The following SHISAL2B variants were observed in gnomAD, a reference collection of about 807,000 sequenced individuals.
SHISAL2B encodes shisa like 2B.
SHISAL2B carries 12 observed loss-of-function variants against 16.5 expected under a neutral mutation model. That is an observed-to-expected ratio of 0.73 (90% CI 0.47 to 1.18). The LOEUF (loss-of-function observed/expected upper bound fraction) is 1.18, where lower values mean the gene tolerates loss of function less well. Among genes scored for constraint, SHISAL2B ranks in the 50% most tolerant of loss-of-function variants. The probability of loss-of-function intolerance (pLI) is 0.00; values close to 1 mark genes in which losing one functional copy is unlikely to be tolerated. For missense variants in SHISAL2B, 183 were observed against 193.6 expected (o/e 0.95, Z 0.33); for synonymous variants, 72 against 75.0 (o/e 0.96, Z 0.21).
intron 2 of SHISAL2B, among the ~76,000 whole-genome samples, chr5:64,714,484 T>A (rs1166319869): frequency 2.6e-5 from 4 of 151,096 alleles, no homozygotes; most frequent in Non-Finnish European, 5.9e-5. Flanking sequence ...AGGTTACTAC[T>A]GTCTTTTTGT....
chr5:64,699,885 T>C (rs1455654610), intron 2 of SHISAL2B, among the ~76,000 whole-genome samples: 1 of 152,188 alleles, frequency 6.6e-6, no homozygotes, highest in Non-Finnish European at 1.5e-5. Flanking sequence ...TTGGAATGGA[T>C]CTTGAAAAAA....
chr5:64,690,668 C>G lies in SHISAL2B; in HGVS notation c.45C>G (p.Asn15Lys). Residue 15 changes from asparagine (N) to lysine (K), a missense_variant, in exon 1 of 3, where the codon AAC becomes AAG. By Grantham distance (94) the Asn-to-Lys change is moderately conservative (BLOSUM62 0). Coordinates refer to ENST00000389074, the MANE Select transcript of SHISAL2B (RefSeq NM_001164442.2). ...TGTGCTCCGGCTACTACAGCCTCAA[C>G]CAGAGCTTCGTGGAGCCCTTCCAGT... ...SRLCSGYYSL[N>K]QSFVEPFQCP... 1 of 1,533,376 alleles carries G rather than the reference C, an allele frequency of 6.5e-7. No individual in the cohort carries two copies. Among genetic ancestry groups the G allele is most frequent in the Non-Finnish European group, 8.7e-7 (1 of 1,145,392 alleles). 95.0% of individuals were successfully genotyped at this position (1,533,376 alleles called of 1,614,324 possible).
Position 64,708,332 on chromosome 5 carries a change from G to A in SHISAL2B, c.350-9557G>A, listed in dbSNP as rs575092211. Among the ~76,000 whole-genome samples, 43 of 152,174 alleles carry A rather than the reference G, an allele frequency of 2.8e-4. 1 individual carries two copies. The South Asian group carries it at 8.7e-3, about 31-fold the overall frequency. Reference sequence around the variant, plus strand: ...GGACCCAAGTTAGAATTTGACTTTAGAAAGTGTGTCAAATATAAAAAGTTT... The same window carrying A: ...GGACCCAAGTTAGAATTTGACTTTAAAAAGTGTGTCAAATATAAAAAGTTT... On this transcript the variant is annotated intron_variant, in intron 2 of 2. Transcript: ENST00000389074.
chr5:64,697,034 A>T (rs1395826112), intron 2 of SHISAL2B, among the ~76,000 whole-genome samples: 1 of 152,112 alleles, frequency 6.6e-6, no homozygotes, highest in African/African-American at 2.4e-5. Context: ...CATCCTACTG[A>T]TATGTGATGT....
At chr5:64,717,175 A>G (rs900685528) in intron 2 of SHISAL2B, among the ~76,000 whole-genome samples, 9 of 152,202 alleles carry the variant, frequency 5.9e-5, no homozygotes, top group African/African-American at 2.2e-4. Context: ...TAAGAAATCA[A>G]AGAAGATGAG....
chr5:64,690,528 C>T lies in SHISAL2B; in HGVS notation c.-96C>T. 1 of 1,051,658 alleles carries T rather than the reference C, an allele frequency of 9.5e-7. No individual in the cohort carries two copies. The highest frequency in any genetic ancestry group is 1.3e-6 in the Non-Finnish European group (1 of 785,184). 65.1% of individuals were successfully genotyped at this position (1,051,658 alleles called of 1,614,324 possible). ...AGAGCCCAGATCGGAAGAGCCGAGT[C>T]CGGGCAGAGGGGTCCGCGGGCTCTG... is the stretch of plus-strand genomic sequence containing the variant. On this transcript the variant is annotated 5_prime_UTR_variant, in exon 1 of 3. Coordinates refer to ENST00000389074, the MANE Select transcript of SHISAL2B (RefSeq NM_001164442.2).
chr5:64,692,433 A>G (rs1741664336), intron 1 of SHISAL2B, among the ~76,000 whole-genome samples: 1 of 152,196 alleles, frequency 6.6e-6, no homozygotes, highest in Non-Finnish European at 1.5e-5. Context: ...GGAAATAGAA[A>G]AATCACTTCA....
intron 1 of SHISAL2B, chr5:64,691,402 T>TGTGTGTGTGTG (rs1561372809): frequency 2.4e-4 from 36 of 152,294 alleles, no homozygotes; most frequent in Middle Eastern, 3.3e-3. Flanking sequence ...TGTGTGTGTG[T>TGTGTGTGTGTG]TCCTGAGGGC....
intron 2 of SHISAL2B, among the ~76,000 whole-genome samples, chr5:64,717,653 G>T (rs561860515): frequency 1.3e-3 from 195 of 152,052 alleles, no homozygotes; most frequent in Middle Eastern, 6.8e-3. Flanking sequence ...AAGCATGGAG[G>T]AAAAAAGGTA....
intron 2 of SHISAL2B, among the ~76,000 whole-genome samples, chr5:64,705,422 A>G (rs1413445366): frequency 1.3e-5 from 2 of 152,188 alleles, no homozygotes; most frequent in Admixed American, 6.5e-5. Flanking sequence ...TTAAACTACT[A>G]TGAATTTAAG....
chr5:64,714,675 T>C (rs558312453), intron 2 of SHISAL2B, among the ~76,000 whole-genome samples: 1 of 152,176 alleles, frequency 6.6e-6, no homozygotes, highest in African/African-American at 2.4e-5. Flanking sequence ...CAGACTGCTG[T>C]GCTAGCAATC....
At chr5:64,710,975 G>C (rs1181321195) in intron 2 of SHISAL2B, among the ~76,000 whole-genome samples, 4 of 141,978 alleles carry the variant, frequency 2.8e-5, no homozygotes, top group Non-Finnish European at 6.0e-5. Context: ...CAATCATGTT[G>C]TCTGCAAACA....
chr5:64,692,338 A>C (rs1741663050), intron 1 of SHISAL2B, among the ~76,000 whole-genome samples: 1 of 152,160 alleles, frequency 6.6e-6, no homozygotes, highest in Non-Finnish European at 1.5e-5. Context: ...AACCTTCCTA[A>C]GATGTATGAG....
At chr5:64,707,753 A>G (rs1741893873) in intron 2 of SHISAL2B, among the ~76,000 whole-genome samples, 2 of 152,342 alleles carry the variant, frequency 1.3e-5, no homozygotes, top group South Asian at 2.1e-4. Flanking sequence ...TTCACTCTGA[A>G]AAACAAAACA....
At chr5:64,691,870 A>T (rs1741655422) in intron 1 of SHISAL2B, among the ~76,000 whole-genome samples, 1 of 152,164 alleles carries the variant, frequency 6.6e-6, no homozygotes, top group African/African-American at 2.4e-5. Flanking sequence ...GTAAGAGGTA[A>T]AGTATTGTGA....
intron 2 of SHISAL2B, among the ~76,000 whole-genome samples, chr5:64,710,004 G>T (rs1741936244): frequency 6.7e-6 from 1 of 149,940 alleles, no homozygotes. Flanking sequence ...CACTCTGATG[G>T]TAGTTTCTTT....
At chr5:64,698,036 T>A (rs1287995878) in intron 2 of SHISAL2B, among the ~76,000 whole-genome samples, 1 of 152,228 alleles carries the variant, frequency 6.6e-6, no homozygotes, top group Non-Finnish European at 1.5e-5. Flanking sequence ...TTAGCTGAAT[T>A]TAGTACAAAT....
At chr5:64,695,358 T>C (rs1741717945) in intron 1 of SHISAL2B, 149 bp from the exon 2 acceptor site, 1 of 515,336 alleles carries the variant, frequency 1.9e-6, no homozygotes, top group African/African-American at 1.9e-5. Context: ...AGGTGAACTG[T>C]AGATTTCAAT....
chr5:64,705,751 G>T (rs554815564), intron 2 of SHISAL2B, among the ~76,000 whole-genome samples: 6 of 152,286 alleles, frequency 3.9e-5, no homozygotes, highest in African/African-American at 1.4e-4. Context: ...ATTTTGCCAA[G>T]GTTAACGACG....
Sources: allele counts gnomAD v4.1 joint callset (sites outside exome capture counted in the v4.1 genomes callset), GRCh38; gene constraint gnomAD v4.1.1; transcripts MANE v1.5; gene names NCBI Gene and HGNC (gene_info 2026-07-23, HGNC 2026-07-21).